Variants in DNM1 observed in about 807,000 individuals in gnomAD.
The protein encoded by DNM1 is dynamin-1.
In DNM1, 29 loss-of-function variants were observed where a neutral mutation model predicts 104.6. The observed-to-expected ratio is 0.28, with a 90% CI of 0.21 to 0.38. The LOEUF (loss-of-function observed/expected upper bound fraction) is 0.38. DNM1 is among the 10% of genes least tolerant of loss of function. DNM1 has a pLI of 1.00. For missense variants in DNM1, 640 were observed against 1,189.4 expected (o/e 0.54, Z 6.79); for synonymous variants, 445 against 475.8 (o/e 0.94, Z 0.84).
At chr9:128,216,364 G>T (rs1834604610) in intron 1 of DNM1, among the ~76,000 whole-genome samples, 1 of 152,162 alleles carries the variant, frequency 6.6e-6, no homozygotes, top group Non-Finnish European at 1.5e-5. Context: ...TCACCTCTCT[G>T]AGCCTCAGCT....
chr9:128,239,609 TG>T, intron 12 of DNM1, 94 bp downstream of exon 12: 1 of 1,276,204 alleles, frequency 7.8e-7, no homozygotes, highest in African/African-American at 1.7e-5. Context: ...TGTGTGTGTG[TG>T]TGTGTGTAGA....
In DNM1 at chr9:128,243,384, C is replaced by T. The variant is rs1049758851; in HGVS notation, c.1671+1039C>T. Among the ~76,000 whole-genome samples, 4 of 150,480 alleles carry T rather than the reference C, an allele frequency of 2.7e-5. 1 individual carries two copies. The highest frequency in any genetic ancestry group is 4.9e-5 in the African/African-American group (2 of 41,184). On this transcript the variant is annotated intron_variant, in intron 15 of 21. Coordinates refer to ENST00000372923, the MANE Select transcript of DNM1 (RefSeq NM_004408.4). The surrounding 1 kb of genome is among the most constrained non-coding windows in gnomAD (Gnocchi z 4.0). ...GGGGGCTGTTGGAGGCTACAGCATC[C>T]TCAACGGGGGAGCGGGGCTCTGGGT...
chr9:128,246,988 G>A (rs1564351780), intron 16 of DNM1: 1 of 227,760 alleles, frequency 4.4e-6, no homozygotes, highest in East Asian at 9.5e-5. Context: ...TGACTCTAGT[G>A]GGCCCTCTGC....
rs1196657001 is a variant in DNM1 at position 128,222,455 on chromosome 9, C to T, written c.993-6C>T. 6 of 1,614,156 alleles carry T rather than the reference C, an allele frequency of 3.7e-6. No individual in the cohort carries two copies. The highest frequency in any genetic ancestry group is 1.1e-5 in the South Asian group (1 of 91,080). On this transcript the variant is annotated splice_polypyrimidine_tract_variant and splice_region_variant and intron_variant, in intron 7 of 21. Transcript: ENST00000372923. The surrounding 1 kb of genome is among the most constrained non-coding windows in gnomAD (Gnocchi z 7.8). The stretch of plus-strand genomic sequence containing the variant: ...GCCCCCTCAGGCCACACCACTCTCC[C>T]ACCAGGATGGTCCAGCAGTTCGCCG...
intron 21 of DNM1, chr9:128,251,214 G>C (rs573865675): frequency 1.6e-6 from 1 of 644,240 alleles, no homozygotes; most frequent in Non-Finnish European, 2.9e-6. Flanking sequence ...CTTGCATGGC[G>C]CTTCCCTCTA....
chr9:128,222,970 T>G lies in DNM1; in HGVS notation c.1196+110T>G. 1 of 1,103,766 alleles carries G rather than the reference T, an allele frequency of 9.1e-7. No homozygotes were observed. The highest frequency in any genetic ancestry group is 1.3e-6 in the Non-Finnish European group (1 of 742,620). The allele number at this position is 1,103,766 out of a possible 1,614,324, so 68.4% of individuals were successfully genotyped here. The stretch of plus-strand genomic sequence containing the variant: ...CCCTCAGGAAGGACTGAAAGCTCTG[T>G]TCCCCAGTCCTCTCGACCCCAACTT... On this transcript the variant is annotated intron_variant, in intron 9 of 21. Coordinates refer to ENST00000372923, the MANE Select transcript of DNM1 (RefSeq NM_004408.4). The surrounding 1 kb of genome is among the most constrained non-coding windows in gnomAD (Gnocchi z 7.8).
intron 14 of DNM1, among the ~76,000 whole-genome samples, chr9:128,241,834 C>T (rs969657595): frequency 1.3e-5 from 2 of 152,166 alleles, no homozygotes; most frequent in African/African-American, 2.4e-5. Context: ...TAGGCAGAGG[C>T]GGCAGCAGCA....
At chr9:128,244,282 G>A (rs1836606610) in intron 15 of DNM1, among the ~76,000 whole-genome samples, 2 of 151,918 alleles carry the variant, frequency 1.3e-5, no homozygotes, top group African/African-American at 4.8e-5. Context: ...GTCCGTGTGG[G>A]ACATGGGTGT....
At chr9:128,233,848 C>T in intron 10 of DNM1, 173 bp from the exon 11 acceptor site, 2 of 611,610 alleles carry the variant, frequency 3.3e-6, no homozygotes, top group Middle Eastern at 4.3e-4. Flanking sequence ...AAAGGGGTGG[C>T]CGTGGCTTGG....
At chr9:128,209,043 C>T (rs1009939746) in intron 1 of DNM1, among the ~76,000 whole-genome samples, 1 of 151,990 alleles carries the variant, frequency 6.6e-6, no homozygotes, top group Non-Finnish European at 1.5e-5. Context: ...GTTGGGGAGG[C>T]GGGGCTTGAG....
chr9:128,246,774 T>TCCTCCCTC (rs2131285279), intron 16 of DNM1, among the ~76,000 whole-genome samples: 1 of 139,428 alleles, frequency 7.2e-6, no homozygotes, highest in East Asian at 2.4e-4. Context: ...CTCCCTCCCT[T>TCCTCCCTC]CCTCCCTTCC....
At position 128,224,792 on chromosome 9, in the gene DNM1, C is replaced by T. The variant is rs537656317; in HGVS notation, c.1335+403C>T. Among the ~76,000 whole-genome samples the T allele has an allele frequency of 7.9e-5, 12 of 152,264 alleles. No individual in the cohort carries two copies. In the South Asian group the frequency reaches 2.3e-3, roughly 29 times the overall value. ...AGACAGGTGAAATGCAGGGCCTTCT[C>T]GGGCACTGCTCGGTGGGCCTGGGTG... On this transcript the variant is annotated intron_variant, in intron 10 of 21. Transcript: ENST00000372923. This position sits in a 1 kb window ranked among gnomAD's most constrained non-coding sequence, Gnocchi z 4.3.
intron 1 of DNM1, among the ~76,000 whole-genome samples, chr9:128,205,731 G>A (rs977761656): frequency 4.6e-5 from 7 of 152,060 alleles, no homozygotes; most frequent in Admixed American, 2.6e-4. Context: ...GGGAGGGGGC[G>A]CTGATAGCCA....
rs1427530883 is a variant in DNM1, at chr9:128,222,228, C to T, written c.881C>T (p.Pro294Leu). Residue 294 changes from proline to leucine, a missense_variant, in exon 7 of 22, where the codon CCG (proline) becomes CTG (leucine). Pro to Leu is a moderately conservative substitution (Grantham distance 98). This residue lies in a region of DNM1 where 81 missense variants were observed against 99.8 expected (regional missense o/e 0.81). Coordinates refer to ENST00000372923, the MANE Select transcript of DNM1 (RefSeq NM_004408.4). This position sits in a 1 kb window ranked among gnomAD's most constrained non-coding sequence, Gnocchi z 7.8. ...ACGAACCACATCCGGGACACACTGC[C>T]GGGGCTGCGGAACAAGCTGCAGAGC... is the stretch of plus-strand genomic sequence containing the variant. Reference protein sequence around the residue: ...QLTNHIRDTLPGLRNKLQSQL... With the variant: ...QLTNHIRDTLLGLRNKLQSQL... 2.5e-6 allele frequency: 4 copies of T among 1,614,036 alleles called. No individual in the cohort carries two copies. Among genetic ancestry groups the T allele is most frequent in the South Asian group, 1.1e-5 (1 of 91,080 alleles).
chr9:128,218,979 G>A lies in DNM1; in HGVS notation c.386-70G>A, dbSNP rs568834961. On this transcript the variant is annotated intron_variant, in intron 3 of 21. Transcript: ENST00000372923. The surrounding 1 kb of genome is among the most constrained non-coding windows in gnomAD (Gnocchi z 4.8). ...GCTCCCAAGCAGCTTCTCTAACCCC[G>A]CCCTATTCTTTAACCTCGCCCGCGG... 1 of 1,559,072 alleles carries A rather than the reference G, an allele frequency of 6.4e-7. No homozygotes were observed. Among genetic ancestry groups the A allele is most frequent in the Admixed American group, 1.7e-5 (1 of 58,826 alleles).
intron 12 of DNM1, 55 bp downstream of exon 12, chr9:128,239,570 GT>G: frequency 3.7e-6 from 1 of 272,954 alleles, no homozygotes; most frequent in Non-Finnish European, 5.6e-6. Flanking sequence ...AAGGTAACGT[GT>G]GTGTGTGTGT....
In DNM1 at chr9:128,220,344, A is replaced by G; in HGVS notation, c.849+3A>G. On this transcript the variant is annotated splice_donor_region_variant and intron_variant, in intron 6 of 21. Transcript: ENST00000372923. The surrounding 1 kb of genome is among the most constrained non-coding windows in gnomAD (Gnocchi z 5.2). ...ACCTGCAGAAGGTCCTCAATCAGGT[A>G]GGCGACCAAGCCAGGATGGGGCCTG... The G allele has an allele frequency of 3.1e-6, 5 of 1,613,308 alleles. No individual in the cohort carries two copies. Among genetic ancestry groups the G allele is most frequent in the Non-Finnish European group, 3.4e-6 (4 of 1,179,916 alleles).
rs1334635322 is a variant in DNM1 at position 128,254,438 on chromosome 9, T to G, written c.2535-216T>G. On this transcript the variant is annotated intron_variant, in intron 21 of 21. Coordinates refer to ENST00000372923, the MANE Select transcript of DNM1 (RefSeq NM_004408.4). This position sits in a 1 kb window ranked among gnomAD's most constrained non-coding sequence, Gnocchi z 6.1. ...GGGCCGCCACAGCCCCCAGGCGCTA[T>G]CTGTGAAGCTACGGCTCCTCCCTCC... is the stretch of plus-strand genomic sequence containing the variant. 1 of 1,457,444 alleles carries G rather than the reference T, an allele frequency of 6.9e-7. No homozygotes were observed. The highest frequency in any genetic ancestry group is 9.0e-7 in the Non-Finnish European group (1 of 1,112,954). 90.3% of individuals were successfully genotyped at this position (1,457,444 alleles called of 1,614,324 possible).
In DNM1 at chr9:128,248,686, T is replaced by C. The variant is rs1437208936; in HGVS notation, c.2009T>C (p.Met670Thr). ...ETIRNLVDSY[M>T]AIVNKTVRDL... ...ATCCGGAATCTTGTGGACTCATACA[T>C]GGCCATTGTCAACAAGACCGTGAGG... Residue 670 changes from methionine to threonine, a missense_variant, in exon 19 of 22, where the codon ATG becomes ACG. Transcript: ENST00000372923. The surrounding 1 kb of genome is among the most constrained non-coding windows in gnomAD (Gnocchi z 5.6). 6.2e-7 allele frequency: 1 copy of C among 1,613,998 alleles called. No individual in the cohort carries two copies. Among genetic ancestry groups the C allele is most frequent in the Non-Finnish European group, 8.5e-7 (1 of 1,179,902 alleles).
Sources: gnomAD v4.1 joint callset for allele counts (sites outside exome capture counted in the v4.1 genomes callset) on GRCh38, gnomAD v4.1.1 for gene constraint, gnomAD v4.1.1 regional missense constraint, Gnocchi (gnomAD v3.1) non-coding constraint, MANE v1.5 for transcripts, NCBI Gene and HGNC (gene_info 2026-07-23, HGNC 2026-07-21) for gene names.